Variants in MKLN1 observed in about 807,000 individuals in gnomAD.
The protein encoded by MKLN1 is muskelin 1.
In MKLN1, 18 loss-of-function variants were observed where a neutral mutation model predicts 99.0. That is an observed-to-expected ratio of 0.18 (90% CI 0.13 to 0.27). MKLN1 has a LOEUF of 0.27. Among genes scored for constraint, MKLN1 ranks in the 10% least tolerant of loss-of-function variants. The pLI is 1.00. For missense variants in MKLN1, 621 were observed against 875.9 expected (o/e 0.71, Z 3.67); for synonymous variants, 288 against 293.2 (o/e 0.98, Z 0.18).
chr7:131,469,248 G>A (rs575142109), intron 15 of MKLN1, among the ~76,000 whole-genome samples: 25 of 152,146 alleles, frequency 1.6e-4, no homozygotes, highest in African/African-American at 5.1e-4. Context: ...ACGGACGGAC[G>A]GACAGACAGA....
At chr7:131,471,852 C>G (rs1419842041) in intron 16 of MKLN1, 2 of 152,152 alleles carry the variant, frequency 1.3e-5, no homozygotes, top group Non-Finnish European at 2.9e-5. Context: ...CTTTCAGGCT[C>G]CAGGTTCATT....
chr7:131,201,593 C>T (rs1004323674), intron 2 of MKLN1, among the ~76,000 whole-genome samples: 5 of 152,190 alleles, frequency 3.3e-5, no homozygotes, highest in African/African-American at 1.2e-4. Context: ...TTAGAATCAT[C>T]ATCCGTCTTG....
At chr7:131,282,824 T>C (rs10224705) in intron 3 of MKLN1, among the ~76,000 whole-genome samples, 25,781 of 152,168 alleles carry the variant, frequency 0.17, 2,680 homozygotes, top group African/African-American at 0.3. Context: ...TATTGTATCA[T>C]ATTCTCAGAT....
intron 3 of MKLN1, among the ~76,000 whole-genome samples, chr7:131,267,528 T>G (rs1797825428): frequency 6.6e-6 from 1 of 152,144 alleles, no homozygotes; most frequent in Admixed American, 6.5e-5. Flanking sequence ...AGAAGCTATC[T>G]AGCATTTACT....
chr7:131,424,488 T>C (rs1431678707), intron 8 of MKLN1, among the ~76,000 whole-genome samples: 2 of 152,204 alleles, frequency 1.3e-5, no homozygotes, highest in Non-Finnish European at 2.9e-5. Flanking sequence ...AAGACAGATA[T>C]TGCACTTGGG....
intron 2 of MKLN1, among the ~76,000 whole-genome samples, chr7:131,385,003 A>G (rs1211665877): frequency 6.6e-6 from 1 of 152,226 alleles, no homozygotes; most frequent in African/African-American, 2.4e-5. Flanking sequence ...TTCATTGTCC[A>G]CAAAGAAACT....
intron 2 of MKLN1, among the ~76,000 whole-genome samples, chr7:131,158,930 T>C (rs1796007590): frequency 6.6e-6 from 1 of 151,890 alleles, no homozygotes; most frequent in Non-Finnish European, 1.5e-5. Context: ...CTAGTAGGGG[T>C]TGATGGGCTA....
chr7:131,134,659 CTG>C (rs1465081924), intron 1 of MKLN1, among the ~76,000 whole-genome samples: 1 of 152,158 alleles, frequency 6.6e-6, no homozygotes, highest in Non-Finnish European at 1.5e-5. Context: ...TAATTGATAA[CTG>C]TGTCTTCAGT....
intron 8 of MKLN1, 36 bp from the exon 9 acceptor site, chr7:131,428,997 C>T: frequency 7.6e-7 from 1 of 1,311,276 alleles, no homozygotes; most frequent in East Asian, 2.7e-5. Context: ...TTATTTTGTC[C>T]TTTTTTTTTT....
intron 1 of MKLN1, among the ~76,000 whole-genome samples, chr7:131,136,600 T>C (rs1438012959): frequency 6.6e-6 from 1 of 152,238 alleles, no homozygotes; most frequent in Non-Finnish European, 1.5e-5. Context: ...TGTTTTTACT[T>C]ACATGACTGA....
intron 2 of MKLN1, among the ~76,000 whole-genome samples, chr7:131,190,789 G>A (rs1351835361): frequency 6.6e-6 from 1 of 152,148 alleles, no homozygotes; most frequent in Non-Finnish European, 1.5e-5. Flanking sequence ...GCTTGCCCTG[G>A]AGCGCTGCAG....
At chr7:131,297,935 T>C (rs1216133369) in intron 3 of MKLN1, among the ~76,000 whole-genome samples, 1 of 152,186 alleles carries the variant, frequency 6.6e-6, no homozygotes, top group Non-Finnish European at 1.5e-5. Flanking sequence ...ATTTTCTTTC[T>C]CCTTCTCTTT....
chr7:131,255,936 C>T (rs559364633), intron 3 of MKLN1, among the ~76,000 whole-genome samples: 13 of 149,366 alleles, frequency 8.7e-5, no homozygotes, highest in East Asian at 5.9e-4. Context: ...GATGGAGTCT[C>T]GCTCTGTTTC....
At chr7:131,399,711 A>G (rs563294663) in intron 6 of MKLN1, among the ~76,000 whole-genome samples, 2 of 152,326 alleles carry the variant, frequency 1.3e-5, no homozygotes, top group East Asian at 1.9e-4. Flanking sequence ...ACTAGCATTA[A>G]ACTGTATCAG....
Position 131,382,084 on chromosome 7 carries a change from C to G in MKLN1, c.169-5036C>G, listed in dbSNP as rs147538489. Among the ~76,000 whole-genome samples, 547 of 152,222 alleles carry G rather than the reference C, an allele frequency of 3.6e-3. 2 individuals are homozygous for G. The highest frequency in any genetic ancestry group is 0.013 in the African/African-American group (520 of 41,556). ...TGTGCTAAAAATTAATACAGAAGTGCCTGGGTATGGTGGCTCGTGCCTGTA... is the reference window on the plus strand; with the variant it reads ...TGTGCTAAAAATTAATACAGAAGTGGCTGGGTATGGTGGCTCGTGCCTGTA... On this transcript the variant is annotated intron_variant, in intron 2 of 17. Coordinates refer to ENST00000352689, the MANE Select transcript of MKLN1 (RefSeq NM_013255.5).
chr7:131,382,069 A>G (rs1471638856), intron 2 of MKLN1, among the ~76,000 whole-genome samples: 2 of 152,256 alleles, frequency 1.3e-5, no homozygotes, highest in Non-Finnish European at 2.9e-5. Context: ...TGTGCTAAAA[A>G]TTAATACAGA....
chr7:131,219,826 G>A (rs1797035303), intron 3 of MKLN1, among the ~76,000 whole-genome samples: 1 of 152,024 alleles, frequency 6.6e-6, no homozygotes. Flanking sequence ...GCCAAAAATA[G>A]AGAGACAAAA....
chr7:131,370,570 A>G (rs891801455), intron 1 of MKLN1, among the ~76,000 whole-genome samples: 11 of 151,804 alleles, frequency 7.2e-5, no homozygotes, highest in Non-Finnish European at 8.8e-5. Context: ...GCATACCTCA[A>G]ATAGTTGGCA....
At chr7:131,114,171 G>T (rs1327200917) in intron 1 of MKLN1, among the ~76,000 whole-genome samples, 1 of 152,098 alleles carries the variant, frequency 6.6e-6, no homozygotes, top group Non-Finnish European at 1.5e-5. Flanking sequence ...ATTATTGATG[G>T]TATCCTCCAT....
Sources: gnomAD v4.1 joint callset for allele counts (sites outside exome capture counted in the v4.1 genomes callset) on GRCh38, gnomAD v4.1.1 for gene constraint, MANE v1.5 for transcripts, NCBI Gene and HGNC (gene_info 2026-07-23, HGNC 2026-07-21) for gene names.